The following PRH1 variants were observed in gnomAD, a reference collection of about 807,000 sequenced individuals.
The protein encoded by PRH1 is proline rich protein HaeIII subfamily 1.
Under a neutral mutation model 7.9 loss-of-function variants are expected in PRH1, and 7 were observed. That is an observed-to-expected ratio of 0.89 (90% confidence interval 0.50 to 1.67). PRH1 has a LOEUF of 1.67. Ranked by LOEUF, PRH1 falls within the 40% of genes most tolerant of loss-of-function variation. PRH1 has a pLI of 0.00. For synonymous variants in PRH1, 45 were observed against 80.8 expected, an observed-to-expected ratio of 0.56 and a Z score of 2.38; for missense variants, 109 against 223.6, an observed-to-expected ratio of 0.49 and a Z score of 3.27.
intron 1 of PRH1, chr12:11,091,770 G>C (rs200586631): frequency 0.02 from 24,805 of 1,261,068 alleles, 2,232 homozygotes; most frequent in Middle Eastern, 0.036. Flanking sequence ...TCTTTTGTCC[G>C]CACAATCTCA....
chr12:11,042,068 C>T (rs550669813), intron 1 of PRH1, among the ~76,000 whole-genome samples: 3 of 151,956 alleles, frequency 2.0e-5, no homozygotes. Flanking sequence ...TCTTAAAGAA[C>T]TAGAAAAACA....
intron 1 of PRH1, chr12:11,031,371 G>A (rs1942207783): frequency 6.2e-7 from 1 of 1,600,256 alleles, no homozygotes; most frequent in Non-Finnish European, 8.5e-7. Flanking sequence ...TTTAATGCTG[G>A]TGTTGTGTCC....
downstream of PRH1, among the ~76,000 whole-genome samples, chr12:11,119,105 G>A (rs776917122): frequency 1.3e-5 from 2 of 151,878 alleles, no homozygotes; most frequent in Non-Finnish European, 2.9e-5. Flanking sequence ...CAGCAATACG[G>A]ATGGAATTGG....
At chr12:11,124,897 C>G (rs752574860) in intron 1 of PRH1, among the ~76,000 whole-genome samples, 1 of 151,206 alleles carries the variant, frequency 6.6e-6, no homozygotes, top group Non-Finnish European at 1.5e-5. Context: ...GGCTGCAGTG[C>G]AATGGCGCAA....
intron 1 of PRH1, among the ~76,000 whole-genome samples, chr12:11,088,538 A>C: frequency 9.2e-6 from 1 of 109,172 alleles, no homozygotes; most frequent in South Asian, 2.5e-4. Flanking sequence ...CCACACGTTG[A>C]AACAATCTTT....
chr12:11,169,370 T>C (rs1947739047), intron 1 of PRH1, among the ~76,000 whole-genome samples: 1 of 152,228 alleles, frequency 6.6e-6, no homozygotes, highest in Non-Finnish European at 1.5e-5. Context: ...AAATCTTTCT[T>C]CAGCTCTAGA....
chr12:10,975,283 T>TA (rs1208770551), intron 1 of PRH1, among the ~76,000 whole-genome samples: 16 of 152,304 alleles, frequency 1.1e-4, no homozygotes, highest in Admixed American at 1.0e-3. Flanking sequence ...TTTTGTTTTT[T>TA]AAAAAGAATT....
At chr12:11,138,685 A>G (rs1358065858) in intron 1 of PRH1, among the ~76,000 whole-genome samples, 2 of 152,242 alleles carry the variant, frequency 1.3e-5, no homozygotes, top group African/African-American at 2.4e-5. Flanking sequence ...TTTCAAATTC[A>G]TATTAGCATT....
At chr12:10,989,719 G>T (rs1939836893) in intron 1 of PRH1, among the ~76,000 whole-genome samples, 1 of 151,820 alleles carries the variant, frequency 6.6e-6, no homozygotes, top group Non-Finnish European at 1.5e-5. Flanking sequence ...TATATTTTTA[G>T]TAATTTTCCT....
At chr12:10,997,144 A>G in intron 1 of PRH1, 5 of 1,614,100 alleles carry the variant, frequency 3.1e-6, no homozygotes, top group Non-Finnish European at 4.2e-6. Context: ...ATATGATTAG[A>G]CACAGAAAGT....
chr12:11,029,212 A>G lies in PRH1; in HGVS notation c.-126+17808T>C, dbSNP rs370186109. 2.6e-5 allele frequency among the ~76,000 whole-genome samples: 4 copies of G among 151,588 alleles called. No individual in the cohort carries two copies. In the East Asian group the frequency reaches 7.7e-4, roughly 29 times the overall value. On this transcript the variant is annotated intron_variant, in intron 1 of 3. Transcript: ENST00000539853. ...ATAACACCAAGAATTAATACAGTCA[A>G]GTAGAATTTAGCTGTGAACAAGACT...
intron 1 of PRH1, among the ~76,000 whole-genome samples, chr12:11,131,748 TC>T (rs1946349560): frequency 6.6e-6 from 1 of 152,202 alleles, no homozygotes; most frequent in African/African-American, 2.4e-5. Flanking sequence ...AAACTTTTCC[TC>T]TGAGGAAGGA....
At chr12:11,104,130 T>C (rs1565657312) in intron 1 of PRH1, among the ~76,000 whole-genome samples, 1 of 135,132 alleles carries the variant, frequency 7.4e-6, no homozygotes, top group Non-Finnish European at 1.5e-5. Context: ...GATTCAACGG[T>C]GACCAACACA....
chr12:10,930,397 A>G, intron 2 of PRH1: 1 of 1,531,038 alleles, frequency 6.5e-7, no homozygotes, highest in Non-Finnish European at 9.0e-7. Flanking sequence ...CCTTGTCAGG[A>G]ATTGGCTAAT....
intron 2 of PRH1, among the ~76,000 whole-genome samples, chr12:10,962,302 CATA>C (rs1386859106): frequency 2.6e-5 from 4 of 152,092 alleles, no homozygotes; most frequent in Admixed American, 1.3e-4. Flanking sequence ...GCATTTTTTA[CATA>C]ATAACCAGCT....
intron 2 of PRH1, among the ~76,000 whole-genome samples, chr12:10,931,525 C>T (rs1950213291): frequency 6.6e-6 from 1 of 152,156 alleles, no homozygotes; most frequent in Non-Finnish European, 1.5e-5. Context: ...TTTTTTAAAA[C>T]ACATTTCACA....
chr12:11,038,760 TATTCTGATAAGA>T (rs1335328823), intron 1 of PRH1, among the ~76,000 whole-genome samples: 1 of 152,282 alleles, frequency 6.6e-6, no homozygotes, highest in African/African-American at 2.4e-5. Context: ...AATGTATATG[TATTCTGATAAGA>T]GTATAAATGC....
At chr12:11,162,258 T>G (rs1947439613) in intron 1 of PRH1, among the ~76,000 whole-genome samples, 1 of 152,188 alleles carries the variant, frequency 6.6e-6, no homozygotes, top group Non-Finnish European at 1.5e-5. Context: ...GGCAGGCGAC[T>G]CCACATAGCC....
chr12:10,970,867 T>TACC (rs1177379463), intron 2 of PRH1, among the ~76,000 whole-genome samples: 2 of 152,154 alleles, frequency 1.3e-5, no homozygotes, highest in African/African-American at 4.8e-5. Context: ...TGCCCGGCCC[T>TACC]AAAATTTTAA....
Sources: gnomAD v4.1 joint callset for allele counts (sites outside exome capture counted in the v4.1 genomes callset) on GRCh38, gnomAD v4.1.1 for gene constraint, MANE v1.5 for transcripts, NCBI Gene and HGNC (gene_info 2026-07-23, HGNC 2026-07-21) for gene names.